Variants in AKAP6 observed in about 807,000 individuals in gnomAD.
AKAP6 encodes the protein A-kinase anchor protein 6.
Under a neutral mutation model 188.5 loss-of-function variants are expected in AKAP6, and 58 were observed. The observed-to-expected ratio is 0.31, with a 90% confidence interval of 0.25 to 0.38. The LOEUF (loss-of-function observed/expected upper bound fraction) is 0.38, where lower values mean the gene tolerates loss of function less well. Ranked by LOEUF, AKAP6 falls within the 10% of genes least tolerant of loss-of-function variation. The pLI, the probability that AKAP6 is intolerant of heterozygous loss-of-function variation, is 1.00. For synonymous variants in AKAP6, 989 were observed against 998.6 expected, an observed-to-expected ratio of 0.99 and a Z score of 0.18; for missense variants, 2,710 against 2,740.0, an observed-to-expected ratio of 0.99 and a Z score of 0.24.
At chr14:32,772,074 GT>G (rs2032914720) in intron 11 of AKAP6, among the ~76,000 whole-genome samples, 1 of 152,024 alleles carries the variant, frequency 6.6e-6, no homozygotes, top group African/African-American at 2.4e-5. Context: ...GTGCGTTTGA[GT>G]GAAAAGAAGA....
At chr14:32,551,640 ATTTTTGTT>A (rs1566571353) in intron 4 of AKAP6, among the ~76,000 whole-genome samples, 1 of 135,642 alleles carries the variant, frequency 7.4e-6, no homozygotes, top group Admixed American at 7.2e-5. Flanking sequence ...ACATTCTGTA[ATTTTTGTT>A]TGTTTGTTTG....
At chr14:32,462,914 A>C (rs1298454476) in intron 2 of AKAP6, among the ~76,000 whole-genome samples, 5 of 137,386 alleles carry the variant, frequency 3.6e-5, no homozygotes, top group East Asian at 4.4e-4. Context: ...AAAAAAAAAA[A>C]AAAAAAAAAA....
At chr14:32,761,712 G>T (rs1409899881) in intron 11 of AKAP6, among the ~76,000 whole-genome samples, 2 of 151,890 alleles carry the variant, frequency 1.3e-5, no homozygotes, top group Admixed American at 6.6e-5. Flanking sequence ...CCCTTTTGTG[G>T]CCTTTTATTA....
Position 32,639,610 on chromosome 14 carries a change from G to A in AKAP6, c.2731-38701G>A, listed in dbSNP as rs1470874138. On this transcript the variant is annotated intron_variant, in intron 7 of 13. Coordinates refer to ENST00000280979, the MANE Select transcript of AKAP6 (RefSeq NM_004274.5). ...CCTCATGAGGCTTGAGGAAGATAGA[G>A]TGTAATCACATTTTCACAAATAAAC... 4.6e-5 allele frequency among the ~76,000 whole-genome samples: 7 copies of A among 152,258 alleles called. No individual in the cohort carries two copies. In the East Asian group the frequency reaches 1.4e-3, roughly 29 times the overall value.
At chr14:32,371,556 G>A (rs961223725) in intron 1 of AKAP6, among the ~76,000 whole-genome samples, 1 of 152,154 alleles carries the variant, frequency 6.6e-6, no homozygotes, top group Non-Finnish European at 1.5e-5. Flanking sequence ...GCAGAGTTAC[G>A]ATCATTGCAC....
At chr14:32,620,366 T>TA (rs1205790118) in intron 7 of AKAP6, among the ~76,000 whole-genome samples, 12 of 152,122 alleles carry the variant, frequency 7.9e-5, no homozygotes, top group African/African-American at 2.9e-4. Flanking sequence ...TGAGGGTTTT[T>TA]ATCATAAAGG....
chr14:32,741,315 G>T (rs2031663237), intron 11 of AKAP6, among the ~76,000 whole-genome samples: 1 of 152,040 alleles, frequency 6.6e-6, no homozygotes, highest in South Asian at 2.1e-4. Context: ...TGCAAATGCA[G>T]ATAATTTGAC....
intron 1 of AKAP6, among the ~76,000 whole-genome samples, chr14:32,419,170 A>G (rs570908183): frequency 1.5e-4 from 23 of 152,332 alleles, no homozygotes; most frequent in Middle Eastern, 3.4e-3. Flanking sequence ...AAAAGCCGAC[A>G]TAGTAGAAGA....
intron 11 of AKAP6, among the ~76,000 whole-genome samples, chr14:32,760,138 A>G (rs1955508): frequency 0.79 from 120,572 of 152,162 alleles, 47,841 homozygotes; most frequent in Admixed American, 0.84. Context: ...CATGCAAATT[A>G]TTGCAACAAC....
intron 1 of AKAP6, among the ~76,000 whole-genome samples, chr14:32,389,673 C>G (rs557037057): frequency 2.0e-5 from 3 of 152,054 alleles, no homozygotes; most frequent in Non-Finnish European, 2.9e-5. Flanking sequence ...AAGATAGGGT[C>G]CCCATCCCTT....
intron 4 of AKAP6, among the ~76,000 whole-genome samples, chr14:32,558,985 A>G (rs12587800): frequency 0.096 from 14,606 of 152,278 alleles, 794 homozygotes; most frequent in Admixed American, 0.16. Context: ...TCGTAAACTA[A>G]CTACTAGTTA....
At chr14:32,627,118 CTT>C (rs1887056637) in intron 7 of AKAP6, among the ~76,000 whole-genome samples, 1 of 152,048 alleles carries the variant, frequency 6.6e-6, no homozygotes, top group African/African-American at 2.4e-5. Context: ...GTGGAAAAAT[CTT>C]TGTTAATAAG....
intron 1 of AKAP6, among the ~76,000 whole-genome samples, chr14:32,379,830 C>T (rs1365653568): frequency 6.6e-6 from 1 of 152,182 alleles, no homozygotes; most frequent in Non-Finnish European, 1.5e-5. Context: ...CTGTGAATTG[C>T]CATTGACAAT....
intron 11 of AKAP6, among the ~76,000 whole-genome samples, chr14:32,766,205 G>T (rs1159403410): frequency 6.6e-6 from 1 of 152,054 alleles, no homozygotes; most frequent in African/African-American, 2.4e-5. Context: ...ATTTTTAAAT[G>T]CCAAATAATA....
chr14:32,537,828 G>C (rs990827808), intron 3 of AKAP6, among the ~76,000 whole-genome samples: 1 of 152,234 alleles, frequency 6.6e-6, no homozygotes, highest in Admixed American at 6.5e-5. Flanking sequence ...CATTCATGAA[G>C]TAGTAGCTCA....
chr14:32,811,628 C>G (rs1429171195), intron 12 of AKAP6, among the ~76,000 whole-genome samples: 1 of 152,154 alleles, frequency 6.6e-6, no homozygotes, highest in African/African-American at 2.4e-5. Context: ...GATACTAACT[C>G]CAGATAGATA....
chr14:32,829,617 T>TA (rs34458249), intron 13 of AKAP6, among the ~76,000 whole-genome samples: 71,630 of 147,290 alleles, frequency 0.49, 17,567 homozygotes, highest in East Asian at 0.71. Context: ...CACGTCTTTT[T>TA]AAAAAAAAAA....
At position 32,568,917 on chromosome 14, in the gene AKAP6, A is replaced by G. The variant is rs576260341; in HGVS notation, c.2347-8203A>G. ...TTAGACTTTGATGATATGCATTCCA[A>G]TCTTGTTTTGCCCTTAGAATGACTG... On this transcript the variant is annotated intron_variant, in intron 4 of 13. Coordinates refer to ENST00000280979, the MANE Select transcript of AKAP6 (RefSeq NM_004274.5). This position sits in a 1 kb window ranked among gnomAD's most constrained non-coding sequence, Gnocchi z 6.2. Among the ~76,000 whole-genome samples the G allele has an allele frequency of 6.6e-6, 1 of 152,220 alleles. No individual in the cohort carries two copies. Among genetic ancestry groups the G allele is most frequent in the East Asian group, 1.9e-4 (1 of 5,184 alleles).
intron 12 of AKAP6, among the ~76,000 whole-genome samples, chr14:32,809,557 G>C (rs1429488063): frequency 6.6e-6 from 1 of 152,144 alleles, no homozygotes; most frequent in Non-Finnish European, 1.5e-5. Flanking sequence ...ATGAAAGCTG[G>C]GTTTTATGGG....
Sources: gnomAD v4.1 joint callset for allele counts (sites outside exome capture counted in the v4.1 genomes callset) on GRCh38, gnomAD v4.1.1 for gene constraint, Gnocchi (gnomAD v3.1) non-coding constraint, MANE v1.5 for transcripts, NCBI Gene and HGNC (gene_info 2026-07-23, HGNC 2026-07-21) for gene names.